Variants in SLC12A2 observed in about 807,000 individuals in gnomAD.
The protein encoded by SLC12A2 is solute carrier family 12 member 2, also known as Na-K-2Cl cotransporter 1.
A neutral mutation model predicts 136.3 loss-of-function variants in SLC12A2; 67 were observed. The observed-to-expected ratio is 0.49, with a 90% CI of 0.40 to 0.60. The LOEUF (loss-of-function observed/expected upper bound fraction) is 0.60. Among genes scored for constraint, SLC12A2 ranks in the 20% least tolerant of loss-of-function variants. SLC12A2 has a pLI of 0.00. For synonymous variants in SLC12A2, 619 were observed against 562.9 expected, an observed-to-expected ratio of 1.10 and a Z score of -1.41; for missense variants, 1,322 against 1,534.7, an observed-to-expected ratio of 0.86 and a Z score of 2.32.
At chr5:128,108,998 G>A (rs977696154) in intron 1 of SLC12A2, among the ~76,000 whole-genome samples, 6 of 152,110 alleles carry the variant, frequency 3.9e-5, no homozygotes, top group Non-Finnish European at 8.8e-5. Flanking sequence ...TTTGAAAAAT[G>A]TATGAACTAC....
chr5:128,131,021 T>A, intron 4 of SLC12A2, 46 bp from the exon 5 acceptor site: 1 of 1,590,242 alleles, frequency 6.3e-7, no homozygotes, highest in Non-Finnish European at 8.6e-7. Flanking sequence ...GCATTTTAAA[T>A]CCTAACTTTA....
rs1435430922 is a variant in SLC12A2, at chr5:128,169,565, G to A, written c.2723+1698G>A. On this transcript the variant is annotated intron_variant, in intron 18 of 26. Transcript: ENST00000262461. ...AATTAAAACTGCTGATGTGTTGTAT[G>A]TTGTTACTACTGCTGAGTTTTGGTT... 3 of 149,344 alleles carry A rather than the reference G, an allele frequency of 2.0e-5. No individual in the cohort carries two copies. In the East Asian group the frequency reaches 5.8e-4, roughly 29 times the overall value. 9.3% of individuals were successfully genotyped at this position (149,344 alleles called of 1,614,324 possible). A position where few individuals can be genotyped will look rare whatever the true frequency, so the allele number is the denominator to read the frequency against.
chr5:128,098,765 T>C (rs543306224), intron 1 of SLC12A2, among the ~76,000 whole-genome samples: 16 of 152,222 alleles, frequency 1.1e-4, no homozygotes, highest in African/African-American at 3.9e-4. Flanking sequence ...TTCCAGCTAC[T>C]TATTTTTAGG....
intron 10 of SLC12A2, among the ~76,000 whole-genome samples, chr5:128,144,855 C>A (rs541997126): frequency 3.6e-4 from 55 of 152,206 alleles, no homozygotes; most frequent in Non-Finnish European, 6.3e-4. Flanking sequence ...ACACACACCC[C>A]CACACAGACT....
At chr5:128,144,740 C>T (rs1189803034) in intron 10 of SLC12A2, among the ~76,000 whole-genome samples, 1 of 152,024 alleles carries the variant, frequency 6.6e-6, no homozygotes, top group African/African-American at 2.4e-5. Context: ...CATTGCTTCA[C>T]TCTGCTTGGA....
At chr5:128,128,431 G>C (rs1238010572) in intron 4 of SLC12A2, among the ~76,000 whole-genome samples, 1 of 152,022 alleles carries the variant, frequency 6.6e-6, no homozygotes, top group Non-Finnish European at 1.5e-5. Flanking sequence ...ACCCCATCAG[G>C]ACTTTTTTTC....
chr5:128,110,916 C>G, intron 1 of SLC12A2: 1 of 984,934 alleles, frequency 1.0e-6, no homozygotes, highest in Admixed American at 1.7e-5. Context: ...TCTGAGAGGG[C>G]ATGAAAAGGG....
chr5:128,086,243 A>G (rs1309912979), intron 1 of SLC12A2, among the ~76,000 whole-genome samples: 2 of 152,190 alleles, frequency 1.3e-5, no homozygotes, highest in East Asian at 3.8e-4. Context: ...AGTTTTTGCT[A>G]CTTTAAATTA....
At chr5:128,166,126 C>T (rs1288913939) in intron 17 of SLC12A2, among the ~76,000 whole-genome samples, 1 of 151,852 alleles carries the variant, frequency 6.6e-6, no homozygotes, top group Non-Finnish European at 1.5e-5. Context: ...TTCTTCTGTC[C>T]TAATTATCCC....
intron 4 of SLC12A2, among the ~76,000 whole-genome samples, chr5:128,119,787 CA>C (rs1761486539): frequency 1.3e-5 from 2 of 152,326 alleles, no homozygotes; most frequent in South Asian, 4.1e-4. Context: ...CCATTCAGGA[CA>C]TAGGCACGGG....
At chr5:128,125,705 A>G (rs1021198107) in intron 4 of SLC12A2, among the ~76,000 whole-genome samples, 7 of 151,834 alleles carry the variant, frequency 4.6e-5, no homozygotes, top group African/African-American at 7.3e-5. Context: ...TGCTTTGTTC[A>G]TGGTAGAAAT....
chr5:128,126,913 T>C (rs966690631), intron 4 of SLC12A2, among the ~76,000 whole-genome samples: 28 of 141,528 alleles, frequency 2.0e-4, no homozygotes, highest in Non-Finnish European at 3.8e-4. Context: ...ATGTTTTTTT[T>C]CTTCCCTTAT....
chr5:128,184,363 A>C lies in SLC12A2; in HGVS notation c.3300-3A>C, dbSNP rs374246332. On this transcript the variant is annotated splice_region_variant and splice_polypyrimidine_tract_variant and intron_variant, in intron 24 of 26. Coordinates refer to ENST00000262461, the MANE Select transcript of SLC12A2 (RefSeq NM_001046.3). Reference sequence around the variant, plus strand: ...TTGTCAGTATTCTTTCTGTTTTTTAAAGTATTATAGCTTTTGAGGAAATCA... The same window carrying C: ...TTGTCAGTATTCTTTCTGTTTTTTACAGTATTATAGCTTTTGAGGAAATCA... 8.7e-6 allele frequency: 13 copies of C among 1,499,322 alleles called. No homozygotes were observed. Among genetic ancestry groups the C allele is most frequent in the Middle Eastern group, 1.8e-4 (1 of 5,650 alleles). The allele number at this position is 1,499,322 out of a possible 1,614,324, so 92.9% of individuals were successfully genotyped here.
chr5:128,151,191 G>A (rs375353341), intron 13 of SLC12A2, 50 bp from the exon 14 acceptor site: 1,536 of 1,528,044 alleles, frequency 1.0e-3, no homozygotes, highest in Non-Finnish European at 1.2e-3. Flanking sequence ...GTACCATTGT[G>A]TAAAGCAGAT....
intron 1 of SLC12A2, chr5:128,110,668 C>A: frequency 7.8e-7 from 1 of 1,287,510 alleles, no homozygotes; most frequent in Non-Finnish European, 1.1e-6. Context: ...ACTCCGTCTA[C>A]TATGAACATT....
chr5:128,143,417 T>C (rs1442983313), intron 10 of SLC12A2, among the ~76,000 whole-genome samples: 1 of 152,164 alleles, frequency 6.6e-6, no homozygotes, highest in East Asian at 1.9e-4. Context: ...AGCTAGTGAA[T>C]TTCTAAAACA....
intron 17 of SLC12A2, among the ~76,000 whole-genome samples, chr5:128,166,501 G>A (rs1057387945): frequency 2.0e-5 from 3 of 151,652 alleles, no homozygotes; most frequent in Non-Finnish European, 4.4e-5. Context: ...TGTATGAAAT[G>A]GAATATTATT....
intron 9 of SLC12A2, among the ~76,000 whole-genome samples, chr5:128,139,987 G>GTTTGTT (rs1226840680): frequency 6.6e-6 from 1 of 151,404 alleles, no homozygotes; most frequent in South Asian, 2.1e-4. Context: ...TTTTTTGCTT[G>GTTTGTT]TTTGTTTTTG....
Position 128,188,701 on chromosome 5 carries a change from CAGAATATTA to C in SLC12A2, c.*2075_*2083del, listed in dbSNP as rs1006360612. Reference sequence around the variant, plus strand: ...GTATAGAGATCTGATAACTTGAATTCAGAATATTAAGAAAATGAAGTAACTGATTTTCTA... The same window carrying C: ...GTATAGAGATCTGATAACTTGAATTCAGAAAATGAAGTAACTGATTTTCTA... On this transcript the variant is annotated 3_prime_UTR_variant, in exon 27 of 27. Coordinates refer to ENST00000262461, the MANE Select transcript of SLC12A2 (RefSeq NM_001046.3). 1.0e-4 allele frequency: 14 copies of C among 138,912 alleles called. No homozygotes were observed. The highest frequency in any genetic ancestry group is 3.3e-4 in the African/African-American group (12 of 36,718). 8.6% of individuals were successfully genotyped at this position (138,912 alleles called of 1,614,324 possible).
Sources: gnomAD v4.1 joint callset for allele counts (sites outside exome capture counted in the v4.1 genomes callset) on GRCh38, gnomAD v4.1.1 for gene constraint, MANE v1.5 for transcripts, NCBI Gene and HGNC (gene_info 2026-07-23, HGNC 2026-07-21) for gene names.